The following PLPP2 variants were observed in gnomAD, a reference collection of about 807,000 sequenced individuals.
PLPP2 encodes the protein PAP2-gamma.
In PLPP2, 29 loss-of-function variants were observed where a neutral mutation model predicts 35.2. That is an observed-to-expected ratio of 0.82 (90% confidence interval 0.61 to 1.12). The LOEUF (loss-of-function observed/expected upper bound fraction) is 1.12, where lower values mean the gene tolerates loss of function less well. PLPP2 is among the 50% of genes most tolerant of loss of function. The pLI, the probability that PLPP2 is intolerant of heterozygous loss-of-function variation, is 0.00. For missense variants in PLPP2, 353 were observed against 375.2 expected, an observed-to-expected ratio of 0.94 and a Z score of 0.49; for synonymous variants, 162 against 167.0, an observed-to-expected ratio of 0.97 and a Z score of 0.23.
chr19:288,764 G>C (rs907357827), intron 1 of PLPP2, among the ~76,000 whole-genome samples: 1 of 152,188 alleles, frequency 6.6e-6, no homozygotes, highest in African/African-American at 2.4e-5. Flanking sequence ...AGTCACGTGT[G>C]GGACACTGGA....
At chr19:289,681 G>A (rs887470137) in intron 1 of PLPP2, among the ~76,000 whole-genome samples, 3 of 152,156 alleles carry the variant, frequency 2.0e-5, no homozygotes, top group Middle Eastern at 3.4e-3. Context: ...CCAGCCTGGC[G>A]ACAGGGCGAG....
At position 287,773 on chromosome 19, in the gene PLPP2, C is replaced by G; in HGVS notation, c.205-22G>C. ...AGACCTGCAAGAGCAGCCGCAGGAA[C>G]CAGTGGGGGTCTCGGTCGGCCCAGG... On this transcript the variant is annotated intron_variant, in intron 2 of 5. Coordinates refer to ENST00000434325, the MANE Select transcript of PLPP2 (RefSeq NM_003712.4). The surrounding 1 kb of genome is among the most constrained non-coding windows in gnomAD (Gnocchi z 4.3). The G allele has an allele frequency of 6.2e-7, 1 of 1,611,958 alleles. No homozygotes were observed. The highest frequency in any genetic ancestry group is 2.2e-5 in the East Asian group (1 of 44,842).
chr19:282,621 A>C, intron 4 of PLPP2, 131 bp downstream of exon 4: 1 of 1,029,342 alleles, frequency 9.7e-7, no homozygotes, highest in South Asian at 1.5e-5. Flanking sequence ...TCCCGTTTTT[A>C]TAAACAAATC....
intron 3 of PLPP2, chr19:284,803 A>T (rs988414126): frequency 6.6e-6 from 1 of 152,220 alleles, no homozygotes; most frequent in African/African-American, 2.4e-5. Flanking sequence ...AAGCAGAAGA[A>T]AAAAGACAAT....
At chr19:290,353 A>T (rs1043909025) in intron 1 of PLPP2, among the ~76,000 whole-genome samples, 13 of 152,206 alleles carry the variant, frequency 8.5e-5, no homozygotes, top group African/African-American at 2.9e-4. Context: ...AGAAAGTGCC[A>T]CCTAAATGTT....
chr19:289,449 G>GC (rs1342308653), intron 1 of PLPP2, among the ~76,000 whole-genome samples: 1 of 109,862 alleles, frequency 9.1e-6, no homozygotes, highest in Non-Finnish European at 2.0e-5. Flanking sequence ...GAATGGGCAG[G>GC]CCCGGCGTGG....
rs973510090 is a variant in PLPP2, at chr19:291,391, G to A, written c.-55C>T. 9 of 1,544,190 alleles carry A rather than the reference G, an allele frequency of 5.8e-6. No homozygotes were observed. In the African/African-American group the frequency reaches 1.2e-4, roughly 21 times the overall value. On this transcript the variant is annotated 5_prime_UTR_variant, in exon 1 of 6. Transcript: ENST00000434325. ...GCGCGTCCCGTCGCGTCCCGGCCCG[G>A]CCGCGGAGTCACGTGGCGCGGAGCC... is the stretch of plus-strand genomic sequence containing the variant.
At position 287,971 on chromosome 19, in the gene PLPP2, G is replaced by T; in HGVS notation, c.204+49C>A. ...CCATCAGGCCCCCAGGGTAAAGCTG[G>T]CCCCACCCCATCCCCCTACCCAGTC... On this transcript the variant is annotated intron_variant, in intron 2 of 5. Coordinates refer to ENST00000434325, the MANE Select transcript of PLPP2 (RefSeq NM_003712.4). This position sits in a 1 kb window ranked among gnomAD's most constrained non-coding sequence, Gnocchi z 4.3. The T allele has an allele frequency of 7.3e-7, 1 of 1,378,582 alleles. No homozygotes were observed. Among genetic ancestry groups the T allele is most frequent in the Non-Finnish European group, 9.6e-7 (1 of 1,041,838 alleles). The allele number at this position is 1,378,582 out of a possible 1,614,324, so 85.4% of individuals were successfully genotyped here.
At chr19:289,306 C>T (rs1010721240) in intron 1 of PLPP2, among the ~76,000 whole-genome samples, 3 of 152,194 alleles carry the variant, frequency 2.0e-5, no homozygotes, top group African/African-American at 7.2e-5. Flanking sequence ...GCCCCACACT[C>T]CTCCCGACAT....
Position 287,790 on chromosome 19 carries a change from C to A in PLPP2, c.205-39G>T, listed in dbSNP as rs367771062. The A allele has an allele frequency of 1.9e-6, 3 of 1,608,890 alleles. No individual in the cohort carries two copies. In the South Asian group the frequency reaches 3.3e-5, roughly 18 times the overall value. On this transcript the variant is annotated intron_variant, in intron 2 of 5. Coordinates refer to ENST00000434325, the MANE Select transcript of PLPP2 (RefSeq NM_003712.4). The surrounding 1 kb of genome is among the most constrained non-coding windows in gnomAD (Gnocchi z 4.3). The stretch of plus-strand genomic sequence containing the variant: ...CGCAGGAACCAGTGGGGGTCTCGGT[C>A]GGCCCAGGGGCCCTCACTCCTCCGC...
rs1037946004 is a variant in PLPP2 at position 281,239 on chromosome 19, G to C, written c.*149C>G. On this transcript the variant is annotated 3_prime_UTR_variant, in exon 6 of 6. Coordinates refer to ENST00000434325, the MANE Select transcript of PLPP2 (RefSeq NM_003712.4). ...CAGACTCCTGGTCCAGTGCAGGGCA[G>C]GGGGCAGCGGAGCCCGCTCACTGCT... The C allele has an allele frequency of 1.4e-6, 1 of 720,940 alleles. No individual in the cohort carries two copies. The highest frequency in any genetic ancestry group is 1.8e-5 in the African/African-American group (1 of 54,892). 44.7% of individuals were successfully genotyped at this position (720,940 alleles called of 1,614,324 possible). A position where few individuals can be genotyped will look rare whatever the true frequency, so the allele number is the denominator to read the frequency against.
Position 287,339 on chromosome 19 carries a change from C to T in PLPP2, c.482+135G>A. On this transcript the variant is annotated intron_variant, in intron 3 of 5. Transcript: ENST00000434325. The surrounding 1 kb of genome is among the most constrained non-coding windows in gnomAD (Gnocchi z 4.3). ...TCAAAAACATACAAGAATGCACTAACTTATACAAAAATTAGCCGGGCGTGG... is the reference window on the plus strand; with the variant it reads ...TCAAAAACATACAAGAATGCACTAATTTATACAAAAATTAGCCGGGCGTGG... 2.7e-6 allele frequency: 3 copies of T among 1,117,560 alleles called. No homozygotes were observed. Among genetic ancestry groups the T allele is most frequent in the Non-Finnish European group, 3.8e-6 (3 of 787,214 alleles). The allele number at this position is 1,117,560 out of a possible 1,614,324, so 69.2% of individuals were successfully genotyped here.
chr19:282,317 T>C lies in PLPP2; in HGVS notation c.541-7A>G, dbSNP rs189421386. 5 of 1,611,730 alleles carry C rather than the reference T, an allele frequency of 3.1e-6. No individual in the cohort carries two copies. In the African/African-American group the frequency reaches 4.0e-5, roughly 13 times the overall value. Reference sequence around the variant, plus strand: ...GTCGTGCCTGCACATACAGCTGGAGTGGGGAGAGGACGTGTTAGCCTGTGC... The same window carrying C: ...GTCGTGCCTGCACATACAGCTGGAGCGGGGAGAGGACGTGTTAGCCTGTGC... On this transcript the variant is annotated splice_polypyrimidine_tract_variant and splice_region_variant and intron_variant, in intron 4 of 5. Transcript: ENST00000434325.
intron 1 of PLPP2, 98 bp downstream of exon 1, chr19:291,187 G>T: frequency 6.4e-7 from 1 of 1,571,492 alleles, no homozygotes. Flanking sequence ...AGGGACGAGG[G>T]CGCGCAGCCT....
Position 282,314 on chromosome 19 carries a change from G to T in PLPP2, c.541-4C>A. ...AGAGTCGTGCCTGCACATACAGCTGGAGTGGGGAGAGGACGTGTTAGCCTG... is the reference window on the plus strand; with the variant it reads ...AGAGTCGTGCCTGCACATACAGCTGTAGTGGGGAGAGGACGTGTTAGCCTG... On this transcript the variant is annotated splice_polypyrimidine_tract_variant and splice_region_variant and intron_variant, in intron 4 of 5. Transcript: ENST00000434325. 1 of 1,613,112 alleles carries T rather than the reference G, an allele frequency of 6.2e-7. No homozygotes were observed.
At chr19:288,214 C>T in intron 1 of PLPP2, 43 bp from the exon 2 acceptor site, 1 of 1,535,598 alleles carries the variant, frequency 6.5e-7, no homozygotes, top group Non-Finnish European at 8.8e-7. Context: ...GTTCTCTCAC[C>T]AGCTGGGCCT....
At position 281,521 on chromosome 19, in the gene PLPP2, T is replaced by C; in HGVS notation, c.734A>G (p.Asp245Gly). ...VAALTVCYIS[D>G]FFKARPPQHC... ...CTGTGGGGGTCGGGCTTTGAAGAAGTCTGAGATGTAGCAGACCTGGTAGAG... is the reference window on the plus strand; with the variant it reads ...CTGTGGGGGTCGGGCTTTGAAGAAGCCTGAGATGTAGCAGACCTGGTAGAG... The change falls in exon 6 of 6, where the codon GAC becomes GGC. Residue 245 changes from aspartate (D) to glycine (G), a missense_variant. By Grantham distance (94) the Asp-to-Gly change is moderately conservative. Coordinates refer to ENST00000434325, the MANE Select transcript of PLPP2 (RefSeq NM_003712.4). 1 of 1,505,684 alleles carries C rather than the reference T, an allele frequency of 6.6e-7. No individual in the cohort carries two copies. Among genetic ancestry groups the C allele is most frequent in the Non-Finnish European group, 8.9e-7 (1 of 1,125,384 alleles). 93.3% of individuals were successfully genotyped at this position (1,505,684 alleles called of 1,614,324 possible).
In PLPP2 at chr19:281,408, A is replaced by C. The variant is rs1195785607; in HGVS notation, c.847T>G (p.Tyr283Asp). 6.9e-7 allele frequency: 1 copy of C among 1,457,080 alleles called. No individual in the cohort carries two copies. Among genetic ancestry groups the C allele is most frequent in the East Asian group, 2.6e-5 (1 of 38,394 alleles). 90.3% of individuals were successfully genotyped at this position (1,457,080 alleles called of 1,614,324 possible). A position where few individuals can be genotyped will look rare whatever the true frequency, so the allele number is the denominator to read the frequency against. The change falls in exon 6 of 6, where the codon TAC becomes GAC. Residue 283 changes from tyrosine (Y) to aspartate (D), a missense_variant. Transcript: ENST00000434325. ...CGGCCTCAGGAGGAGGAGTGCGGGT[A>C]TCCATAGTGGTTGTGGTCAGCCTCG... ...LGEADHNHYG[Y>D]PHSSS
rs1298149649 is a variant in PLPP2 at position 288,046 on chromosome 19, C to T, written c.178G>A (p.Val60Ile). The change falls in exon 2 of 6, where the codon GTC (valine) becomes ATC (isoleucine). Residue 60 changes from valine to isoleucine, a missense_variant. By Grantham distance (29) the Val-to-Ile change is conservative (BLOSUM62 3). Coordinates refer to ENST00000434325, the MANE Select transcript of PLPP2 (RefSeq NM_003712.4). ...DTITHGLMAG[V>I]TITATVILVS... Reference sequence around the variant, plus strand: ...AGGATGACGGTGGCCGTGATGGTGACCCCAGCCATGAGCCCGTGGGTGATG... The same window carrying T: ...AGGATGACGGTGGCCGTGATGGTGATCCCAGCCATGAGCCCGTGGGTGATG... The T allele has an allele frequency of 5.6e-6, 9 of 1,613,758 alleles. No homozygotes were observed. Among genetic ancestry groups the T allele is most frequent in the Non-Finnish European group, 7.6e-6 (9 of 1,179,948 alleles).
Sources: gnomAD v4.1 joint callset for allele counts (sites outside exome capture counted in the v4.1 genomes callset) on GRCh38, gnomAD v4.1.1 for gene constraint, Gnocchi (gnomAD v3.1) non-coding constraint, MANE v1.5 for transcripts, NCBI Gene and HGNC (gene_info 2026-07-23, HGNC 2026-07-21) for gene names.